The following METTL15 variants were observed in gnomAD, a reference collection of about 807,000 sequenced individuals.
METTL15 encodes methyltransferase 15, mitochondrial 12S rRNA N4-cytidine.
METTL15 carries 34 observed loss-of-function variants against 38.3 expected under a neutral mutation model. The ratio of observed to expected loss-of-function variants is 0.89; its 90% CI spans 0.68 to 1.18. METTL15 has a LOEUF of 1.18. Ranked by LOEUF, METTL15 falls within the 50% of genes most tolerant of loss-of-function variation. The pLI is 0.00. For missense variants in METTL15, 438 were observed against 498.4 expected, an observed-to-expected ratio of 0.88 and a Z score of 1.15; for synonymous variants, 162 against 170.9, an observed-to-expected ratio of 0.95 and a Z score of 0.41.
At chr11:28,112,337 C>T (rs1210692327) in intron 2 of METTL15, among the ~76,000 whole-genome samples, 2 of 152,078 alleles carry the variant, frequency 1.3e-5, no homozygotes, top group African/African-American at 4.8e-5. Flanking sequence ...TGATGTGCAT[C>T]TTATTTTGTG....
intron 5 of METTL15, among the ~76,000 whole-genome samples, chr11:28,410,126 A>G (rs1371059866): frequency 1.3e-5 from 2 of 152,148 alleles, no homozygotes; most frequent in Admixed American, 1.3e-4. Flanking sequence ...ATAACTAAAA[A>G]CCTTCCAACA....
chr11:28,466,367 A>G (rs746945312), intron 6 of METTL15, among the ~76,000 whole-genome samples: 1 of 152,238 alleles, frequency 6.6e-6, no homozygotes, highest in Non-Finnish European at 1.5e-5. Flanking sequence ...AATTCAGTTA[A>G]TAAAGAGTTT....
rs528490601 is a variant in METTL15 at position 28,333,432 on chromosome 11, C to A, written c.*2591C>A. On this transcript the variant is annotated 3_prime_UTR_variant, in exon 7 of 7. Transcript: ENST00000407364. Reference sequence around the variant, plus strand: ...CTTTGGAGAATGGTTTTGGGAAGTTCCTACAGTACACAGAAATAAAAGCTA... The same window carrying A: ...CTTTGGAGAATGGTTTTGGGAAGTTACTACAGTACACAGAAATAAAAGCTA... The A allele has an allele frequency of 2.6e-5, 4 of 152,064 alleles. No individual in the cohort carries two copies. Among genetic ancestry groups the A allele is most frequent in the Non-Finnish European group, 5.9e-5 (4 of 68,000 alleles). The allele number at this position is 152,064 out of a possible 1,614,324, so 9.4% of individuals were successfully genotyped here.
At chr11:28,284,948 C>T (rs1314535877) in intron 4 of METTL15, among the ~76,000 whole-genome samples, 2 of 152,144 alleles carry the variant, frequency 1.3e-5, no homozygotes, top group Non-Finnish European at 2.9e-5. Context: ...CTCCATTTGG[C>T]AAGGGCAGGA....
chr11:28,267,298 C>A (rs533207104), intron 4 of METTL15, among the ~76,000 whole-genome samples: 4 of 152,068 alleles, frequency 2.6e-5, no homozygotes, highest in Non-Finnish European at 5.9e-5. Context: ...CTCAAAATTG[C>A]CAGGCATGCC....
At chr11:28,139,219 T>TA in intron 3 of METTL15, among the ~76,000 whole-genome samples, 1 of 152,212 alleles carries the variant, frequency 6.6e-6, no homozygotes, top group South Asian at 2.1e-4. Context: ...GGGACACAAT[T>TA]ACCCATCTGT....
chr11:28,449,269 A>G (rs933357294), intron 6 of METTL15, among the ~76,000 whole-genome samples: 3 of 152,130 alleles, frequency 2.0e-5, no homozygotes, highest in African/African-American at 4.8e-5. Context: ...AGCTATAATG[A>G]TATTTTGGGC....
chr11:28,175,418 G>A (rs898888816), intron 3 of METTL15, among the ~76,000 whole-genome samples: 1 of 152,128 alleles, frequency 6.6e-6, no homozygotes, highest in Admixed American at 6.6e-5. Context: ...ACGTATGCAT[G>A]TGTCTTTATA....
chr11:28,181,928 T>A (rs1455471342), intron 3 of METTL15, among the ~76,000 whole-genome samples: 1 of 152,194 alleles, frequency 6.6e-6, no homozygotes, highest in Non-Finnish European at 1.5e-5. Flanking sequence ...TGTTGTTTCC[T>A]GACTTTTTAC....
intron 6 of METTL15, among the ~76,000 whole-genome samples, chr11:28,431,808 G>GAAAAAAAAA: frequency 1.1e-5 from 1 of 87,076 alleles, no homozygotes; most frequent in Non-Finnish European, 2.2e-5. Context: ...AAAAAAAAAA[G>GAAAAAAAAA]AAAAAAAAAA....
chr11:28,373,705 AT>A (rs1470382694), intron 5 of METTL15, among the ~76,000 whole-genome samples: 2 of 152,150 alleles, frequency 1.3e-5, no homozygotes, highest in Non-Finnish European at 1.5e-5. Context: ...TTTTGTTGCC[AT>A]TGCTTTTGGT....
chr11:28,507,866 T>A (rs1413567228), intron 6 of METTL15, among the ~76,000 whole-genome samples: 1 of 152,188 alleles, frequency 6.6e-6, no homozygotes, highest in East Asian at 1.9e-4. Context: ...CATTGCACCT[T>A]TACTCCATTC....
chr11:28,333,966 TAAG>T (rs889761813), downstream of METTL15, among the ~76,000 whole-genome samples: 1 of 151,868 alleles, frequency 6.6e-6, no homozygotes, highest in Non-Finnish European at 1.5e-5. Context: ...TTTTTGTTTT[TAAG>T]AAGTAGAGAT....
intron 6 of METTL15, among the ~76,000 whole-genome samples, chr11:28,524,512 C>G (rs560308921): frequency 2.0e-5 from 3 of 152,266 alleles, no homozygotes; most frequent in Admixed American, 2.0e-4. Flanking sequence ...AGGAGCCCAA[C>G]AAGTATTTGA....
intron 6 of METTL15, among the ~76,000 whole-genome samples, chr11:28,469,234 A>G (rs79348188): frequency 0.044 from 5,828 of 133,030 alleles, 371 homozygotes; most frequent in African/African-American, 0.15. Flanking sequence ...TACTTACACC[A>G]TATTTGTGTC....
At chr11:28,399,999 A>G (rs896669453) in intron 5 of METTL15, among the ~76,000 whole-genome samples, 2 of 151,924 alleles carry the variant, frequency 1.3e-5, no homozygotes, top group Non-Finnish European at 2.9e-5. Context: ...TAAGATAATA[A>G]GACTTTAAAG....
intron 6 of METTL15, among the ~76,000 whole-genome samples, chr11:28,505,032 G>A (rs962181135): frequency 5.3e-5 from 8 of 152,168 alleles, no homozygotes; most frequent in Non-Finnish European, 1.2e-4. Context: ...GCCATTCCCA[G>A]TCTTAGTTAA....
At chr11:28,160,960 A>G (rs1850434594) in intron 3 of METTL15, among the ~76,000 whole-genome samples, 1 of 152,108 alleles carries the variant, frequency 6.6e-6, no homozygotes, top group South Asian at 2.1e-4. Context: ...TTACTGGAAA[A>G]TACAGTCAGA....
chr11:28,111,591 T>C (rs565729233), intron 2 of METTL15, among the ~76,000 whole-genome samples: 2 of 152,344 alleles, frequency 1.3e-5, no homozygotes, highest in Admixed American at 6.5e-5. Context: ...GTGGGCAATG[T>C]TTATAGCATG....
Sources: allele counts gnomAD v4.1 joint callset (sites outside exome capture counted in the v4.1 genomes callset), GRCh38; gene constraint gnomAD v4.1.1; transcripts MANE v1.5; gene names NCBI Gene and HGNC (gene_info 2026-07-23, HGNC 2026-07-21).